The following WDR4 variants were observed in gnomAD, a reference collection of about 807,000 sequenced individuals.
WDR4 encodes tRNA (guanine-N(7)-)-methyltransferase non-catalytic subunit WDR4.
WDR4 carries 47 observed loss-of-function variants against 48.6 expected under a neutral mutation model. That is an observed-to-expected ratio of 0.97 (90% CI 0.77 to 1.23). The LOEUF (loss-of-function observed/expected upper bound fraction) is 1.23. Among genes scored for constraint, WDR4 ranks in the 50% most tolerant of loss-of-function variants. WDR4 has a pLI of 0.00. For missense variants in WDR4, 606 were observed against 551.6 expected (o/e 1.10, Z -0.99); for synonymous variants, 268 against 230.0 (o/e 1.17, Z -1.49).
At chr21:42,883,274 C>CAA (rs56707881), upstream of WDR4, among the ~76,000 whole-genome samples, 2 of 77,748 alleles carry the variant, frequency 2.6e-5, no homozygotes, top group East Asian at 3.9e-4. Flanking sequence ...GACTCTGTCT[C>CAA]AAAAAAAAAA....
At chr21:42,884,069 A>C (rs2058623295), upstream of WDR4, among the ~76,000 whole-genome samples, 1 of 152,186 alleles carries the variant, frequency 6.6e-6, no homozygotes, top group Non-Finnish European at 1.5e-5. Context: ...TTAGGTTTCC[A>C]AGGTTCATGG....
chr21:42,889,055 C>A, the WDR4 span, among the ~76,000 whole-genome samples: 1 of 147,188 alleles, frequency 6.8e-6, no homozygotes, highest in Non-Finnish European at 1.5e-5. Flanking sequence ...AGGGTTCAAT[C>A]TATATATATA....
chr21:42,874,390 T>C (rs775466379), intron 2 of WDR4, among the ~76,000 whole-genome samples: 27 of 152,146 alleles, frequency 1.8e-4, no homozygotes, highest in Non-Finnish European at 1.0e-4. Flanking sequence ...TTGTAGAGCA[T>C]GTGTGTTTGA....
At chr21:42,859,246 TAAAAAA>T (rs890849721) in intron 6 of WDR4, among the ~76,000 whole-genome samples, 1 of 145,234 alleles carries the variant, frequency 6.9e-6, no homozygotes, top group South Asian at 2.2e-4. Context: ...CACCCCATCT[TAAAAAA>T]AAAGAAAGAA....
At chr21:42,868,422 T>G (rs1569330639) in intron 3 of WDR4, among the ~76,000 whole-genome samples, 1 of 151,974 alleles carries the variant, frequency 6.6e-6, no homozygotes, top group Non-Finnish European at 1.5e-5. Flanking sequence ...CTTGAAAGAG[T>G]CAGCGTCTTC....
In WDR4 at chr21:42,879,404, C is replaced by T; in HGVS notation, c.89+3G>A. The T allele has an allele frequency of 4.3e-6, 7 of 1,613,658 alleles. No individual in the cohort carries two copies. The highest frequency in any genetic ancestry group is 5.9e-6 in the Non-Finnish European group (7 of 1,179,792). On this transcript the variant is annotated splice_donor_region_variant and intron_variant, in intron 1 of 10. Coordinates refer to ENST00000398208, the MANE Select transcript of WDR4 (RefSeq NM_018669.6). ...CCCTGTTCCAAGACCAAGGCCCCCT[C>T]ACCTGCTTGCTATGGAGGTGGCCAG...
At chr21:42,865,585 G>A (rs1216552741) in intron 3 of WDR4, among the ~76,000 whole-genome samples, 1 of 152,166 alleles carries the variant, frequency 6.6e-6, no homozygotes, top group Admixed American at 6.5e-5. Context: ...GGCTTATCCT[G>A]GCACCGATTC....
Position 42,879,402 on chromosome 21 carries a change from C to T in WDR4, c.89+5G>A, listed in dbSNP as rs746518274. 2 of 1,613,602 alleles carry T rather than the reference C, an allele frequency of 1.2e-6. No homozygotes were observed. The highest frequency in any genetic ancestry group is 1.1e-5 in the South Asian group (1 of 91,058). On this transcript the variant is annotated splice_donor_5th_base_variant and intron_variant, in intron 1 of 10. Transcript: ENST00000398208. ...CTCCCTGTTCCAAGACCAAGGCCCC[C>T]TCACCTGCTTGCTATGGAGGTGGCC...
At chr21:42,848,474 G>A (rs375182240), downstream of WDR4, among the ~76,000 whole-genome samples, 4,552 of 62,408 alleles carry the variant, frequency 0.073, 446 homozygotes, top group Middle Eastern at 0.11. Flanking sequence ...ATCACGCGGC[G>A]CACACCTCAC....
intron 5 of WDR4, 85 bp from the exon 6 acceptor site, chr21:42,859,807 AAGG>A: frequency 7.5e-7 from 1 of 1,339,510 alleles, no homozygotes; most frequent in South Asian, 1.3e-5. Flanking sequence ...CTGTTCATCT[AAGG>A]AAGAGAAGCC....
At chr21:42,879,659 A>G, upstream of WDR4, 1 of 827,472 alleles carries the variant, frequency 1.2e-6, no homozygotes. Flanking sequence ...AGGTGCTGTG[A>G]CCGCCCTCCG....
At chr21:42,856,605 G>C (rs2057998633) in intron 6 of WDR4, among the ~76,000 whole-genome samples, 1 of 152,100 alleles carries the variant, frequency 6.6e-6, no homozygotes, top group African/African-American at 2.4e-5. Context: ...TCAGTGGAGA[G>C]AAATAAATCA....
rs1012572872 is a variant in WDR4, at chr21:42,878,977, C to T, written c.89+430G>A. ...GGTCAGTGAGCTCGCAGTGAGTAAG[C>T]CCCTCCCTTCTCACCAGGGAGACCC... On this transcript the variant is annotated intron_variant, in intron 1 of 10. Coordinates refer to ENST00000398208, the MANE Select transcript of WDR4 (RefSeq NM_018669.6). 4.0e-6 allele frequency: 4 copies of T among 998,402 alleles called. No individual in the cohort carries two copies. In the African/African-American group the frequency reaches 6.9e-5, roughly 17 times the overall value. The allele number at this position is 998,402 out of a possible 1,614,324, so 61.8% of individuals were successfully genotyped here.
downstream of WDR4, among the ~76,000 whole-genome samples, chr21:42,847,875 T>C (rs1057388238): frequency 2.6e-5 from 4 of 152,138 alleles, no homozygotes; most frequent in Non-Finnish European, 5.9e-5. Context: ...CCTGAACCTC[T>C]CCTAAAACCA....
intron 6 of WDR4, 94 bp downstream of exon 6, chr21:42,859,568 G>GCGAT: frequency 7.3e-7 from 1 of 1,371,840 alleles, no homozygotes; most frequent in African/African-American, 1.4e-5. Flanking sequence ...CCAGGGGCCA[G>GCGAT]CGATCCACAG....
the WDR4 span, among the ~76,000 whole-genome samples, chr21:42,885,755 T>C: frequency 6.6e-6 from 1 of 151,946 alleles, no homozygotes; most frequent in Non-Finnish European, 1.5e-5. Flanking sequence ...AGTACAGTAA[T>C]ACAATCACAG....
At chr21:42,843,355 ATTT>A (rs1778017231) in intron 11 of WDR4, 1 of 146,406 alleles carries the variant, frequency 6.8e-6, no homozygotes, top group South Asian at 2.2e-4. Flanking sequence ...GCTCGAGGGT[ATTT>A]TTTAAAGCAT....
downstream of WDR4, among the ~76,000 whole-genome samples, chr21:42,846,435 A>C (rs2057711892): frequency 6.6e-6 from 1 of 152,236 alleles, no homozygotes; most frequent in South Asian, 2.1e-4. Flanking sequence ...GCTTCTCAGC[A>C]GGTGCTAAGT....
intron 5 of WDR4, among the ~76,000 whole-genome samples, chr21:42,860,899 CA>C (rs146000365): frequency 0.038 from 5,739 of 152,298 alleles, 352 homozygotes; most frequent in African/African-American, 0.13. Flanking sequence ...GCCAGTGAAC[CA>C]ACTGATACTG....
Sources: allele counts gnomAD v4.1 joint callset (sites outside exome capture counted in the v4.1 genomes callset), GRCh38; gene constraint gnomAD v4.1.1; transcripts MANE v1.5; gene names NCBI Gene and HGNC (gene_info 2026-07-23, HGNC 2026-07-21).